The following ITCH variants were observed in gnomAD, a reference collection of about 807,000 sequenced individuals.
ITCH encodes the protein itchy E3 ubiquitin protein ligase.
Under a neutral mutation model 126.8 loss-of-function variants are expected in ITCH, and 28 were observed. The ratio of observed to expected loss-of-function variants is 0.22; its 90% CI spans 0.16 to 0.30. The LOEUF (loss-of-function observed/expected upper bound fraction) is 0.30. Among genes scored for constraint, ITCH ranks in the 10% least tolerant of loss-of-function variants. ITCH has a pLI of 1.00. For synonymous variants in ITCH, 342 were observed against 340.0 expected (o/e 1.01, Z -0.06); for missense variants, 631 against 1,032.4 (o/e 0.61, Z 5.33).
In ITCH at chr20:34,440,270, A is replaced by G. The variant is rs1178081069; in HGVS notation, c.795A>G (p.Ile265Met). ...NTSEGATSGL[I>M]IPLTISGGSG... ...CTGAAGGAGCAACATCTGGATTAAT[A>G]ATTCCTCTTACTATATCTGGAGGCT... Residue 265 changes from isoleucine to methionine, a missense_variant, in exon 9 of 25, where the codon ATA (isoleucine) becomes ATG (methionine). Physicochemically the swap from Ile to Met is conservative, Grantham distance 10. Coordinates refer to ENST00000374864, the MANE Select transcript of ITCH (RefSeq NM_031483.7). 2 of 1,614,096 alleles carry G rather than the reference A, an allele frequency of 1.2e-6. No individual in the cohort carries two copies. The highest frequency in any genetic ancestry group is 1.1e-5 in the South Asian group (1 of 91,080).
chr20:34,415,170 C>G (rs1165045821), intron 6 of ITCH, among the ~76,000 whole-genome samples: 4 of 152,210 alleles, frequency 2.6e-5, no homozygotes, highest in Non-Finnish European at 5.9e-5. Context: ...TACTTAGGAA[C>G]TGCATTATGA....
At chr20:34,446,829 G>A (rs903132239) in intron 11 of ITCH, among the ~76,000 whole-genome samples, 1 of 152,168 alleles carries the variant, frequency 6.6e-6, no homozygotes, top group African/African-American at 2.4e-5. Flanking sequence ...TGGTTCCACA[G>A]TTACTTTCTC....
chr20:34,459,079 A>G (rs1470492426), intron 13 of ITCH, among the ~76,000 whole-genome samples: 2 of 152,204 alleles, frequency 1.3e-5, no homozygotes, highest in African/African-American at 4.8e-5. Context: ...TTGGGGGTCC[A>G]CAGGATGACT....
intron 22 of ITCH, among the ~76,000 whole-genome samples, chr20:34,490,336 A>G (rs1989421807): frequency 6.6e-6 from 1 of 152,238 alleles, no homozygotes; most frequent in African/African-American, 2.4e-5. Flanking sequence ...AGCATGGTAT[A>G]TGATGTTCAA....
At chr20:34,478,286 A>T (rs1988414659) in intron 17 of ITCH, among the ~76,000 whole-genome samples, 2 of 152,232 alleles carry the variant, frequency 1.3e-5, no homozygotes, top group Non-Finnish European at 2.9e-5. Flanking sequence ...TCCCCACCAC[A>T]GATTACTGAT....
chr20:34,366,291 A>G (rs1439294997), intron 1 of ITCH, among the ~76,000 whole-genome samples: 1 of 152,058 alleles, frequency 6.6e-6, no homozygotes, highest in Non-Finnish European at 1.5e-5. Context: ...GTCACGCAGG[A>G]TGGAGTGCAG....
chr20:34,491,626 A>G (rs774891322), intron 22 of ITCH, among the ~76,000 whole-genome samples: 30 of 152,194 alleles, frequency 2.0e-4, no homozygotes, highest in Non-Finnish European at 2.9e-4. Context: ...AGAAACTTAA[A>G]CTGAGCTTCT....
At chr20:34,395,464 A>G (rs532660876) in intron 3 of ITCH, among the ~76,000 whole-genome samples, 2 of 152,330 alleles carry the variant, frequency 1.3e-5, no homozygotes, top group African/African-American at 4.8e-5. Context: ...TACTTAGTTC[A>G]GCAAGTCAAA....
intron 7 of ITCH, among the ~76,000 whole-genome samples, chr20:34,434,695 A>AAGAGTCAGGGAT (rs1286754587): frequency 6.6e-6 from 1 of 152,154 alleles, no homozygotes; most frequent in African/African-American, 2.4e-5. Context: ...AGGGAAGAGG[A>AAGAGTCAGGGAT]AGAGTCAGGG....
chr20:34,472,735 G>A (rs900062893), intron 16 of ITCH, among the ~76,000 whole-genome samples: 1 of 152,208 alleles, frequency 6.6e-6, no homozygotes, highest in Non-Finnish European at 1.5e-5. Context: ...AAAGGAAAAA[G>A]CCAGTTGGCA....
intron 7 of ITCH, among the ~76,000 whole-genome samples, chr20:34,429,262 A>G (rs985414986): frequency 6.6e-6 from 1 of 152,176 alleles, no homozygotes; most frequent in Admixed American, 6.5e-5. Context: ...TTCAAAGCCA[A>G]TTGGTGGTGT....
At chr20:34,431,986 G>A (rs1248835082) in intron 7 of ITCH, among the ~76,000 whole-genome samples, 1 of 149,132 alleles carries the variant, frequency 6.7e-6, no homozygotes, top group Admixed American at 6.7e-5. Flanking sequence ...GGAGATTGCA[G>A]TGAGCTGAGA....
In ITCH at chr20:34,494,048, G is replaced by A. The variant is rs536608569; in HGVS notation, c.2416+1451G>A. On this transcript the variant is annotated intron_variant, in intron 23 of 24. Coordinates refer to ENST00000374864, the MANE Select transcript of ITCH (RefSeq NM_031483.7). ...GTTTGAGAACAGCTGGGACGACATGGTGAGACCCCGTCTCTACTAAAAATA... is the reference window on the plus strand; with the variant it reads ...GTTTGAGAACAGCTGGGACGACATGATGAGACCCCGTCTCTACTAAAAATA... Among the ~76,000 whole-genome samples, 4 of 152,288 alleles carry A rather than the reference G, an allele frequency of 2.6e-5. No individual in the cohort carries two copies. The South Asian group carries it at 6.2e-4, about 24-fold the overall frequency.
chr20:34,508,337 T>G lies in ITCH; in HGVS notation c.*543T>G, dbSNP rs1025356950. 1.8e-5 allele frequency: 3 copies of G among 163,384 alleles called. No homozygotes were observed. The highest frequency in any genetic ancestry group is 1.7e-4 in the Admixed American group (3 of 17,652). 10.1% of individuals were successfully genotyped at this position (163,384 alleles called of 1,614,324 possible). A position where few individuals can be genotyped will look rare whatever the true frequency, so the allele number is the denominator to read the frequency against. On this transcript the variant is annotated 3_prime_UTR_variant, in exon 25 of 25. Transcript: ENST00000374864. ...TTCTGGCGCATGAATCCATACATCA[T>G]TCCTGGAAGTGAGGCAAGACTCTTG...
intron 2 of ITCH, among the ~76,000 whole-genome samples, chr20:34,383,672 G>GAT (rs111289969): frequency 3.3e-5 from 5 of 151,146 alleles, no homozygotes; most frequent in East Asian, 2.0e-4. Flanking sequence ...GTGCCTGGCT[G>GAT]ATATATATAT....
chr20:34,420,234 AC>A (rs1242781394), intron 6 of ITCH, among the ~76,000 whole-genome samples: 1 of 151,886 alleles, frequency 6.6e-6, no homozygotes, highest in Non-Finnish European at 1.5e-5. Context: ...TAGAAAAAAA[AC>A]CCCATTTCTT....
chr20:34,471,964 T>C (rs1444276350), intron 16 of ITCH, among the ~76,000 whole-genome samples: 1 of 152,188 alleles, frequency 6.6e-6, no homozygotes, highest in African/African-American at 2.4e-5. Context: ...ATTTTTACAA[T>C]AAGCGTATGT....
chr20:34,434,981 A>T (rs1239449325), intron 7 of ITCH, among the ~76,000 whole-genome samples: 1 of 152,154 alleles, frequency 6.6e-6, no homozygotes, highest in African/African-American at 2.4e-5. Flanking sequence ...CTAGGTCTGT[A>T]TGATTGTATA....
At chr20:34,477,280 C>T (rs776871389) in intron 16 of ITCH, among the ~76,000 whole-genome samples, 24 of 152,180 alleles carry the variant, frequency 1.6e-4, no homozygotes, top group Admixed American at 2.6e-4. Flanking sequence ...TCTGTAATCC[C>T]AGCACTTTGG....
Sources: gnomAD v4.1 joint callset for allele counts (sites outside exome capture counted in the v4.1 genomes callset) on GRCh38, gnomAD v4.1.1 for gene constraint, MANE v1.5 for transcripts, NCBI Gene and HGNC (gene_info 2026-07-23, HGNC 2026-07-21) for gene names.